PDE1A: variants seen among roughly 807,000 people sequenced by gnomAD.
PDE1A encodes phosphodiesterase 1A.
PDE1A carries 35 observed loss-of-function variants against 61.7 expected under a neutral mutation model. The observed-to-expected ratio is 0.57, with a 90% CI of 0.43 to 0.75. The LOEUF (loss-of-function observed/expected upper bound fraction) is 0.75. Ranked by LOEUF, PDE1A falls within the 30% of genes least tolerant of loss-of-function variation. The pLI is 0.00. For synonymous variants in PDE1A, 232 were observed against 213.2 expected, an observed-to-expected ratio of 1.09 and a Z score of -0.77; for missense variants, 597 against 630.6, an observed-to-expected ratio of 0.95 and a Z score of 0.57.
chr2:182,523,366 G>C (rs974393174), upstream of PDE1A, among the ~76,000 whole-genome samples: 6 of 152,158 alleles, frequency 3.9e-5, no homozygotes, highest in Middle Eastern at 6.8e-3. Context: ...TTTTAGAAGA[G>C]AAATGAGAGA....
chr2:182,393,952 A>T (rs1046642282), intron 1 of PDE1A, among the ~76,000 whole-genome samples: 4 of 152,188 alleles, frequency 2.6e-5, no homozygotes, highest in African/African-American at 9.7e-5. Flanking sequence ...ACTTTCCCAC[A>T]TCTTACTGTC....
chr2:182,658,047 T>TTAA, the PDE1A span, among the ~76,000 whole-genome samples: 1 of 66,662 alleles, frequency 1.5e-5, no homozygotes, highest in African/African-American at 6.9e-5. Flanking sequence ...AGCTTCTCAG[T>TTAA]AAAAAAAAAA....
chr2:182,682,125 A>G, the PDE1A span, among the ~76,000 whole-genome samples: 1 of 152,272 alleles, frequency 6.6e-6, no homozygotes, highest in African/African-American at 2.4e-5. Flanking sequence ...CTGACTGTCT[A>G]CAATGTGAAC....
chr2:182,252,815 G>C (rs1691500400), intron 2 of PDE1A, among the ~76,000 whole-genome samples: 6 of 152,206 alleles, frequency 3.9e-5, no homozygotes, highest in Non-Finnish European at 7.3e-5. Context: ...ATAGGCCTGA[G>C]ACAGCCTCAC....
At chr2:182,637,073 C>A in the PDE1A span, among the ~76,000 whole-genome samples, 4 of 152,188 alleles carry the variant, frequency 2.6e-5, no homozygotes, top group Non-Finnish European at 5.9e-5. Context: ...AAGCTAGGTC[C>A]AGCAGGACAA....
downstream of PDE1A, among the ~76,000 whole-genome samples, chr2:182,144,475 G>A (rs1339548192): frequency 6.6e-6 from 1 of 152,176 alleles, no homozygotes; most frequent in Non-Finnish European, 1.5e-5. Flanking sequence ...ACAACAATGT[G>A]AAAAGTAGAT....
At chr2:182,395,022 A>C (rs938640229) in intron 1 of PDE1A, among the ~76,000 whole-genome samples, 2 of 152,206 alleles carry the variant, frequency 1.3e-5, no homozygotes, top group Non-Finnish European at 2.9e-5. Context: ...GAGAATGACC[A>C]TGGGTTATCA....
chr2:182,280,938 A>G (rs957876459), intron 1 of PDE1A, among the ~76,000 whole-genome samples: 2 of 151,948 alleles, frequency 1.3e-5, no homozygotes, highest in African/African-American at 2.4e-5. Flanking sequence ...AACAATGACG[A>G]AACAGATAAG....
the PDE1A span, among the ~76,000 whole-genome samples, chr2:182,605,281 T>C: frequency 6.6e-6 from 1 of 152,066 alleles, no homozygotes; most frequent in South Asian, 2.1e-4. Context: ...TTCTGGTGCT[T>C]TCCTCTTCCT....
At chr2:182,596,379 T>C in the PDE1A span, among the ~76,000 whole-genome samples, 1 of 152,054 alleles carries the variant, frequency 6.6e-6, no homozygotes, top group Non-Finnish European at 1.5e-5. Context: ...GAGGCACACA[T>C]GAGACATACC....
intron 8 of PDE1A, among the ~76,000 whole-genome samples, chr2:182,205,380 A>G (rs1687012801): frequency 6.6e-6 from 1 of 152,172 alleles, no homozygotes; most frequent in South Asian, 2.1e-4. Context: ...GGATGGGGGT[A>G]CATCTTGTTA....
At chr2:182,573,164 A>G in the PDE1A span, among the ~76,000 whole-genome samples, 1 of 152,176 alleles carries the variant, frequency 6.6e-6, no homozygotes, top group Non-Finnish European at 1.5e-5. Flanking sequence ...TTTACAATGT[A>G]GTTTATGACT....
At chr2:182,426,868 A>C in exon 1 of PDE1A, 1 of 1,306,948 alleles carries the variant, frequency 7.7e-7, no homozygotes, top group Non-Finnish European at 9.7e-7. Context: ...CAGGGTGTGC[A>C]AAAACCACCA....
chr2:182,263,970 A>T (rs890812067), intron 2 of PDE1A, among the ~76,000 whole-genome samples: 6 of 152,178 alleles, frequency 3.9e-5, no homozygotes, highest in African/African-American at 1.4e-4. Context: ...ACATCAGTGA[A>T]AACCAGTATA....
chr2:182,298,967 T>C (rs1205231301), intron 1 of PDE1A, among the ~76,000 whole-genome samples: 4 of 151,874 alleles, frequency 2.6e-5, no homozygotes, highest in Non-Finnish European at 2.9e-5. Context: ...AAATTTACAA[T>C]CTCTCAGCCA....
chr2:182,366,279 T>C (rs1699834009), intron 1 of PDE1A, among the ~76,000 whole-genome samples: 1 of 152,074 alleles, frequency 6.6e-6, no homozygotes, highest in Non-Finnish European at 1.5e-5. Context: ...TAAATGTTTG[T>C]TTATAAACAG....
intron 2 of PDE1A, among the ~76,000 whole-genome samples, chr2:182,443,285 G>C (rs1199923679): frequency 6.6e-6 from 1 of 151,308 alleles, no homozygotes; most frequent in East Asian, 1.9e-4. Context: ...TCTTATGATG[G>C]TCAAACTGTT....
intron 1 of PDE1A, among the ~76,000 whole-genome samples, chr2:182,339,074 A>C (rs1698018413): frequency 6.6e-6 from 1 of 152,192 alleles, no homozygotes; most frequent in Non-Finnish European, 1.5e-5. Flanking sequence ...ATATGTTTAC[A>C]AAAGGATAAC....
downstream of PDE1A, among the ~76,000 whole-genome samples, chr2:182,146,757 T>A (rs968573024): frequency 6.6e-6 from 1 of 152,206 alleles, no homozygotes; most frequent in Non-Finnish European, 1.5e-5. Context: ...GTGCTGGAAC[T>A]ACAGGCATGA....
Sources: allele counts gnomAD v4.1 joint callset (sites outside exome capture counted in the v4.1 genomes callset), GRCh38; gene constraint gnomAD v4.1.1; transcripts MANE v1.5; gene names NCBI Gene and HGNC (gene_info 2026-07-23, HGNC 2026-07-21).